Variants in SSR4 observed in about 807,000 individuals in gnomAD.
SSR4 encodes the protein signal sequence receptor subunit 4, also known as translocon-associated protein subunit delta.
For synonymous variants in SSR4, 84 were observed against 65.6 expected, an observed-to-expected ratio of 1.28 and a Z score of -1.35; for missense variants, 125 against 148.8, an observed-to-expected ratio of 0.84 and a Z score of 0.83.
chrX:153,796,653 C>A (rs958358538), intron 2 of SSR4, 101 bp downstream of exon 2: 12 of 663,096 alleles, frequency 1.8e-5, no homozygotes, highest in Admixed American at 1.1e-4. Context: ...AAGATTCCAA[C>A]TCTTGGGGTG....
chrX:153,794,615 G>A (rs1456746290), upstream of SSR4: 1 of 1,203,904 alleles, frequency 8.3e-7, no homozygotes, highest in East Asian at 3.0e-5. Context: ...TGCCACTTAC[G>A]CGTCGCTCTT....
At chrX:153,798,022 C>T in intron 4 of SSR4, 49 bp from the exon 5 acceptor site, 2 of 1,003,500 alleles carry the variant, frequency 2.0e-6, no homozygotes, top group Non-Finnish European at 2.8e-6. Flanking sequence ...CCCACCCCCA[C>T]ACGCCAGGCA....
Position 153,797,530 on chromosome X carries a change from C to G in SSR4, c.259C>G (p.Gln87Glu). The G allele has an allele frequency of 8.3e-7, 1 of 1,209,181 alleles. No individual in the cohort carries two copies. Among genetic ancestry groups the G allele is most frequent in the Non-Finnish European group, 1.1e-6 (1 of 892,960 alleles). Residue 87 changes from glutamine to glutamate, a missense_variant and splice_region_variant, in exon 3 of 6, where the codon CAG (glutamine) becomes GAG (glutamate). Transcript: ENST00000370086. ...VTRGQDVGRYQVSWSLDHKSA... is the reference protein window; with the variant it reads ...VTRGQDVGRYEVSWSLDHKSA... ...TCGAGGCCAGGATGTGGGGCGTTATCAGGTGAGGGGCCAATGGTTCCCTTG... is the reference window on the plus strand; with the variant it reads ...TCGAGGCCAGGATGTGGGGCGTTATGAGGTGAGGGGCCAATGGTTCCCTTG...
In SSR4 at chrX:153,794,747, C is replaced by G; in HGVS notation, c.60C>G (p.Arg20=). The G allele has an allele frequency of 8.3e-7, 1 of 1,211,415 alleles. No homozygotes were observed. The highest frequency in any genetic ancestry group is 2.2e-5 in the Admixed American group (1 of 46,137). ...LALLLLSSLS[R]CSAEACLEPQ... is the part of the protein sequence containing the mutation. ...TGCTCCTGCTGTCCAGCCTCTCCCGCTGCTCAGGTAGCGGCCCAGCCGGGG... is the reference window on the plus strand; with the variant it reads ...TGCTCCTGCTGTCCAGCCTCTCCCGGTGCTCAGGTAGCGGCCCAGCCGGGG... The change falls in exon 1 of 6, where the codon CGC becomes CGG. Residue 20 remains arginine (R), a synonymous_variant. Transcript: ENST00000370086.
At chrX:153,794,201 C>G, upstream of SSR4, 3 of 1,143,874 alleles carry the variant, frequency 2.6e-6, no homozygotes, top group Non-Finnish European at 3.5e-6. Context: ...CCCCACCGCT[C>G]CCCTGCGACC....
intron 4 of SSR4, 71 bp from the exon 5 acceptor site, chrX:153,798,000 T>TGCCCG: frequency 2.8e-6 from 2 of 704,004 alleles, no homozygotes; most frequent in Non-Finnish European, 4.5e-6. Context: ...TACCTGTCTT[T>TGCCCG]CCCCTCCCCT....
upstream of SSR4, chrX:153,794,581 G>A: frequency 8.4e-7 from 1 of 1,186,447 alleles, no homozygotes; most frequent in Non-Finnish European, 1.1e-6. Context: ...CGGCCCAGCC[G>A]TTCGGTGCGC....
intron 4 of SSR4, 48 bp from the exon 5 acceptor site, chrX:153,798,020 CACA>C: frequency 1.0e-6 from 1 of 997,256 alleles, no homozygotes; most frequent in Non-Finnish European, 1.4e-6. Context: ...TCCCCACCCC[CACA>C]CGCCAGGCAC....
At chrX:153,794,207 C>A (rs782492670), upstream of SSR4, 1 of 1,147,263 alleles carries the variant, frequency 8.7e-7, no homozygotes, top group East Asian at 3.2e-5. Context: ...CGCTCCCCTG[C>A]GACCGCTGCC....
chrX:153,796,628 G>A, intron 2 of SSR4, 76 bp downstream of exon 2: 7 of 753,314 alleles, frequency 9.3e-6, no homozygotes, highest in Non-Finnish European at 1.4e-5. Context: ...GACCTGTGTC[G>A]ATAGAGGGAG....
Position 153,794,811 on chromosome X carries a change from T to G in SSR4, c.67+57T>G. ...AGCCTCTGACCCACGGCAGGTGGTG[T>G]TGGGGGCAGGAGGGATGCGGGGGTC... On this transcript the variant is annotated intron_variant, in intron 1 of 5. Coordinates refer to ENST00000370086, the MANE Select transcript of SSR4 (RefSeq NM_006280.3). 6.0e-6 allele frequency: 7 copies of G among 1,171,929 alleles called. No homozygotes were observed. The South Asian group carries it at 7.4e-5, about 12-fold the overall frequency.
In SSR4 at chrX:153,795,810, C is replaced by T. The variant is rs782174096; in HGVS notation, c.68-624C>T. ...TTTGTTTCACACCCTCTGATGTAGG[C>T]GGCAGCCTTCCTTTCCTTTGGGCCT... On this transcript the variant is annotated intron_variant, in intron 1 of 5. Transcript: ENST00000370086. 4.1e-5 allele frequency: 31 copies of T among 754,070 alleles called. No homozygotes were observed. In the South Asian group the frequency reaches 1.4e-3, roughly 35 times the overall value. The allele number at this position is 754,070 out of a possible 1,213,427, so 62.1% of individuals were successfully genotyped here. A position where few individuals can be genotyped will look rare whatever the true frequency, so the allele number is the denominator to read the frequency against.
intron 1 of SSR4, chrX:153,796,211 G>T: frequency 2.4e-6 from 1 of 409,052 alleles, no homozygotes; most frequent in Non-Finnish European, 4.3e-6. Flanking sequence ...CAGAAAGCCG[G>T]CCTTGCCCCT....
chrX:153,794,261 G>A (rs782685026), upstream of SSR4: 9 of 1,197,962 alleles, frequency 7.5e-6, no homozygotes, highest in South Asian at 1.4e-4. Flanking sequence ...AGGGACGGCA[G>A]AGAAGGGCTG....
intron 1 of SSR4, chrX:153,795,834 C>G (rs2092136925): frequency 1.3e-6 from 1 of 754,015 alleles, no homozygotes; most frequent in South Asian, 6.7e-5. Context: ...TCCTTTGGGC[C>G]TCTGGTTATG....
chrX:153,794,962 C>T (rs1375225385), intron 1 of SSR4: 3 of 456,095 alleles, frequency 6.6e-6, no homozygotes, highest in African/African-American at 4.9e-5. Flanking sequence ...TCTGCCCATA[C>T]GAAGAGGAGT....
At chrX:153,795,772 A>G (rs1022698059) in intron 1 of SSR4, 218 of 753,265 alleles carry the variant, frequency 2.9e-4, no homozygotes, top group Non-Finnish European at 3.3e-4. Context: ...GAACATTCCC[A>G]CTTTGGGGAG....
At chrX:153,795,206 C>T in intron 1 of SSR4, 1 of 135,813 alleles carries the variant, frequency 7.4e-6, no homozygotes, top group South Asian at 1.8e-4. Context: ...GCCTTGAGTG[C>T]CAGGCCGAAG....
intron 2 of SSR4, 105 bp downstream of exon 2, chrX:153,796,657 T>G: frequency 1.5e-6 from 1 of 649,486 alleles, no homozygotes. Context: ...TTCCAACTCT[T>G]GGGGTGCCGG....
Sources: allele counts gnomAD v4.1 joint callset, GRCh38; gene constraint gnomAD v4.1.1; transcripts MANE v1.5; gene names NCBI Gene and HGNC (gene_info 2026-07-23, HGNC 2026-07-21).